The following PRKG1 variants were observed in gnomAD, a reference collection of about 807,000 sequenced individuals.
The protein encoded by PRKG1 is cGMP-dependent protein kinase 1.
In PRKG1, 35 loss-of-function variants were observed where a neutral mutation model predicts 88.1. The ratio of observed to expected loss-of-function variants is 0.40; its 90% CI spans 0.30 to 0.53. PRKG1 has a LOEUF of 0.53. Among genes scored for constraint, PRKG1 ranks in the 20% least tolerant of loss-of-function variants. PRKG1 has a pLI of 0.59. For synonymous variants in PRKG1, 303 were observed against 292.5 expected, an observed-to-expected ratio of 1.04 and a Z score of -0.37; for missense variants, 540 against 839.8, an observed-to-expected ratio of 0.64 and a Z score of 4.41.
chr10:51,110,448 A>T (rs1294073706), intron 1 of PRKG1, among the ~76,000 whole-genome samples: 4 of 152,154 alleles, frequency 2.6e-5, no homozygotes, highest in South Asian at 4.1e-4. Context: ...AAGAATATAT[A>T]CTGTTTAATA....
At chr10:51,489,018 C>T (rs1444927426) in intron 3 of PRKG1, among the ~76,000 whole-genome samples, 1 of 152,092 alleles carries the variant, frequency 6.6e-6, no homozygotes, top group African/African-American at 2.4e-5. Context: ...CTGCCGTTGG[C>T]AGGATGTCAA....
chr10:51,126,938 T>A (rs1845441393), intron 1 of PRKG1, among the ~76,000 whole-genome samples: 2 of 152,274 alleles, frequency 1.3e-5, no homozygotes, highest in South Asian at 4.1e-4. Flanking sequence ...GACCCTTTCC[T>A]TACACCTTGC....
chr10:52,034,042 C>T (rs974402635), intron 5 of PRKG1, among the ~76,000 whole-genome samples: 8 of 151,702 alleles, frequency 5.3e-5, no homozygotes. Flanking sequence ...TCACTTAAGG[C>T]AAGGACTGGC....
chr10:51,189,828 A>G (rs1400584229), intron 2 of PRKG1, among the ~76,000 whole-genome samples: 2 of 152,070 alleles, frequency 1.3e-5, no homozygotes, highest in African/African-American at 4.8e-5. Flanking sequence ...ACACTGTGCT[A>G]TATATTTTGT....
At position 52,071,893 on chromosome 10, in the gene PRKG1, T is replaced by A. The variant is rs189139091; in HGVS notation, c.935+9262T>A. Among the ~76,000 whole-genome samples the A allele has an allele frequency of 1.9e-3, 290 of 152,302 alleles. 1 individual carries two copies. Among genetic ancestry groups the A allele is most frequent in the African/African-American group, 6.4e-3 (266 of 41,578 alleles). On this transcript the variant is annotated intron_variant, in intron 7 of 17. Transcript: ENST00000373980. ...ATTCAGTTCTTCCAGTTACAAGGCTTGGGTTTCTGTTTCTCTCAGAGAAAG... is the reference window on the plus strand; with the variant it reads ...ATTCAGTTCTTCCAGTTACAAGGCTAGGGTTTCTGTTTCTCTCAGAGAAAG...
intron 2 of PRKG1, among the ~76,000 whole-genome samples, chr10:51,261,619 G>A (rs986847375): frequency 2.0e-5 from 3 of 152,052 alleles, no homozygotes; most frequent in Non-Finnish European, 4.4e-5. Context: ...GTTGTTTTTG[G>A]TCTAATGCAA....
At chr10:52,112,699 C>T (rs920142888) in intron 7 of PRKG1, among the ~76,000 whole-genome samples, 1 of 152,090 alleles carries the variant, frequency 6.6e-6, no homozygotes, top group African/African-American at 2.4e-5. Flanking sequence ...TCCCTGATTC[C>T]CAGTTATCCC....
chr10:51,229,406 T>C (rs1838776520), intron 2 of PRKG1, among the ~76,000 whole-genome samples: 1 of 152,196 alleles, frequency 6.6e-6, no homozygotes, highest in African/African-American at 2.4e-5. Context: ...AACTGACTAC[T>C]TCTTCCAGAA....
chr10:51,859,418 C>CT (rs1840810152), intron 4 of PRKG1, among the ~76,000 whole-genome samples: 1 of 149,878 alleles, frequency 6.7e-6, no homozygotes, highest in South Asian at 2.1e-4. Context: ...GCAACAGAGC[C>CT]TATTAAATGC....
intron 5 of PRKG1, among the ~76,000 whole-genome samples, chr10:51,995,191 T>C (rs1844408124): frequency 6.6e-6 from 1 of 152,142 alleles, no homozygotes; most frequent in Non-Finnish European, 1.5e-5. Context: ...CAAAGCATTT[T>C]AGCAACTTTG....
At chr10:52,216,051 T>G (rs1471399528) in intron 9 of PRKG1, among the ~76,000 whole-genome samples, 3 of 152,198 alleles carry the variant, frequency 2.0e-5, no homozygotes, top group Non-Finnish European at 4.4e-5. Flanking sequence ...CCAGAGACCC[T>G]GAGGCTATTA....
At chr10:51,214,482 G>T (rs1421742564) in intron 2 of PRKG1, among the ~76,000 whole-genome samples, 3 of 151,808 alleles carry the variant, frequency 2.0e-5, no homozygotes, top group Admixed American at 6.6e-5. Flanking sequence ...CACAGAAAAA[G>T]AAAAACTCTT....
chr10:52,119,936 A>G (rs1453626955), intron 7 of PRKG1, among the ~76,000 whole-genome samples: 3 of 122,044 alleles, frequency 2.5e-5, no homozygotes, highest in Admixed American at 8.9e-5. Context: ...AGAGCGAGAC[A>G]GAGAGACAGA....
chr10:51,002,322 C>G (rs1336928461), intron 1 of PRKG1, among the ~76,000 whole-genome samples: 1 of 152,098 alleles, frequency 6.6e-6, no homozygotes, highest in Non-Finnish European at 1.5e-5. Flanking sequence ...GTTGCTTGAT[C>G]TCCTTGATAA....
At position 51,727,302 on chromosome 10, in the gene PRKG1, T is replaced by A. The variant is rs548201626; in HGVS notation, c.593-77283T>A. ...AAAAAAAAAATATATATATATATAT[T>A]TTTTTTACTTTTCTCAGAGTTATAT... is the stretch of plus-strand genomic sequence containing the variant. On this transcript the variant is annotated intron_variant, in intron 3 of 17. Transcript: ENST00000373980. Among the ~76,000 whole-genome samples the A allele has an allele frequency of 3.4e-3, 504 of 148,752 alleles. 2 individuals carry two copies. Among genetic ancestry groups the A allele is most frequent in the East Asian group, 0.017 (85 of 5,118 alleles).
chr10:51,733,735 T>C (rs1478084340), intron 3 of PRKG1, among the ~76,000 whole-genome samples: 1 of 152,202 alleles, frequency 6.6e-6, no homozygotes, highest in Non-Finnish European at 1.5e-5. Context: ...ATATGATTGC[T>C]GGTGTAATGG....
intron 2 of PRKG1, among the ~76,000 whole-genome samples, chr10:51,228,261 A>G (rs1037565126): frequency 6.6e-6 from 1 of 152,206 alleles, no homozygotes; most frequent in Non-Finnish European, 1.5e-5. Flanking sequence ...TTTACTTTGT[A>G]GGAAAGCCTT....
intron 9 of PRKG1, among the ~76,000 whole-genome samples, chr10:52,182,560 GGTTGTAGGT>G (rs1839067086): frequency 1.7e-5 from 2 of 114,960 alleles, no homozygotes; most frequent in Non-Finnish European, 3.6e-5. Context: ...GGGTTTTTAT[GGTTGTAGGT>G]CTAACGTTTA....
chr10:51,809,912 C>G (rs1257872454), intron 4 of PRKG1, among the ~76,000 whole-genome samples: 1 of 152,122 alleles, frequency 6.6e-6, no homozygotes, highest in African/African-American at 2.4e-5. Context: ...TCTTTATTCT[C>G]TCATCCTCCC....
Sources: allele counts gnomAD v4.1 joint callset (sites outside exome capture counted in the v4.1 genomes callset), GRCh38; gene constraint gnomAD v4.1.1; transcripts MANE v1.5; gene names NCBI Gene and HGNC (gene_info 2026-07-23, HGNC 2026-07-21).